The following IKBKE variants were observed in gnomAD, a reference collection of about 807,000 sequenced individuals.
The protein encoded by IKBKE is inhibitor of nuclear factor kappa B kinase subunit epsilon, also known as inhibitor of nuclear factor kappa-B kinase subunit epsilon.
IKBKE carries 45 observed loss-of-function variants against 92.1 expected under a neutral mutation model. That is an observed-to-expected ratio of 0.49 (90% CI 0.38 to 0.63). The LOEUF is 0.63. Among genes scored for constraint, IKBKE ranks in the 20% least tolerant of loss-of-function variants. The pLI is 0.00. For synonymous variants in IKBKE, 374 were observed against 380.3 expected (o/e 0.98, Z 0.19); for missense variants, 700 against 932.8 (o/e 0.75, Z 3.25).
In IKBKE at chr1:206,476,759, G is replaced by A. The variant is rs1553385462; in HGVS notation, c.622G>A (p.Gly208Arg). The A allele has an allele frequency of 6.2e-7, 1 of 1,614,252 alleles. No individual in the cohort carries two copies. The highest frequency in any genetic ancestry group is 8.5e-7 in the Non-Finnish European group (1 of 1,180,036). The change falls in exon 7 of 22, where the codon GGA becomes AGA. Residue 208 changes from glycine to arginine, a missense_variant. Physicochemically the swap from Gly to Arg is moderately radical, Grantham distance 125. Coordinates refer to ENST00000581977, the MANE Select transcript of IKBKE (RefSeq NM_014002.4). This position sits in a 1 kb window ranked among gnomAD's most constrained non-coding sequence, Gnocchi z 5.1. ...FGVTVDLWSI[G>R]VTLYHAATGS... ...GGTGACTGTGGATCTCTGGAGCATT[G>A]GAGTGACCTTGTACCATGCAGCCAC...
intron 18 of IKBKE, chr1:206,492,703 C>A (rs782121021): frequency 1.9e-6 from 1 of 534,640 alleles, no homozygotes. Context: ...TGTGGGCTAT[C>A]CTCTGCCTCT....
intron 20 of IKBKE, 80 bp downstream of exon 20, chr1:206,493,458 G>T: frequency 9.0e-7 from 1 of 1,109,778 alleles, no homozygotes. Flanking sequence ...GTTAGAGCCT[G>T]AGGGGTTTGG....
chr1:206,496,122 G>A lies in IKBKE; in HGVS notation c.2128G>A (p.Val710Ile). 6.2e-7 allele frequency: 1 copy of A among 1,613,642 alleles called. No homozygotes were observed. The highest frequency in any genetic ancestry group is 8.5e-7 in the Non-Finnish European group (1 of 1,179,578). The change falls in exon 22 of 22, where the codon GTC becomes ATC. Residue 710 changes from valine (V) to isoleucine (I), a missense_variant. Transcript: ENST00000581977. ...TACCTTTTCTTGTAGGCTAAATAGA[G>A]TCCCAGCACCTCCTGATGTCTGAGC... Reference protein sequence around the residue: ...NNRIIERLNRVPAPPDV With the variant: ...NNRIIERLNRIPAPPDV
chr1:206,476,767 C>G lies in IKBKE; in HGVS notation c.630C>G (p.Thr210=), dbSNP rs782095657. The G allele has an allele frequency of 1.2e-6, 2 of 1,614,100 alleles. No homozygotes were observed. Among genetic ancestry groups the G allele is most frequent in the African/African-American group, 2.7e-5 (2 of 74,936 alleles). ...VTVDLWSIGV[T]LYHAATGSLP... ...TGGATCTCTGGAGCATTGGAGTGAC[C>G]TTGTACCATGCAGCCACTGGCAGCC... Residue 210 remains threonine, a synonymous_variant, in exon 7 of 22, where the codon ACC becomes ACG. Coordinates refer to ENST00000581977, the MANE Select transcript of IKBKE (RefSeq NM_014002.4). This position sits in a 1 kb window ranked among gnomAD's most constrained non-coding sequence, Gnocchi z 5.1.
Position 206,491,690 on chromosome 1 carries a change from C to G in IKBKE, c.1776C>G (p.Phe592Leu). 1 of 1,613,560 alleles carries G rather than the reference C, an allele frequency of 6.2e-7. No individual in the cohort carries two copies. Among genetic ancestry groups the G allele is most frequent in the Non-Finnish European group, 8.5e-7 (1 of 1,179,672 alleles). The change falls in exon 18 of 22, where the codon TTC (phenylalanine) becomes TTG (leucine). Residue 592 changes from phenylalanine to leucine, a missense_variant. By Grantham distance (22) the Phe-to-Leu change is conservative. Coordinates refer to ENST00000581977, the MANE Select transcript of IKBKE (RefSeq NM_014002.4). The stretch of plus-strand genomic sequence containing the variant: ...TAGCCAAAAGACTCCTGCAGGTGTT[C>G]CAGGAGGAGTGCGTGCAGAAGTATC... ...SHLAKRLLQV[F>L]QEECVQKYQA...
In IKBKE at chr1:206,478,049, C is replaced by CCA; in HGVS notation, c.813-111_813-110insCA. On this transcript the variant is annotated intron_variant, in intron 8 of 21. Transcript: ENST00000581977. This position sits in a 1 kb window ranked among gnomAD's most constrained non-coding sequence, Gnocchi z 4.8. The stretch of plus-strand genomic sequence containing the variant: ...TCCTCCCCAACCCACCCTGCCCCAC[C>CCA]ATCTTGGTCCTAGCTCTTCAGGATA... 1 of 909,156 alleles carries CCA rather than the reference C, an allele frequency of 1.1e-6. No homozygotes were observed. The highest frequency in any genetic ancestry group is 1.7e-6 in the Non-Finnish European group (1 of 591,854). The allele number at this position is 909,156 out of a possible 1,614,324, so 56.3% of individuals were successfully genotyped here. A position where few individuals can be genotyped will look rare whatever the true frequency, so the allele number is the denominator to read the frequency against.
Position 206,476,494 on chromosome 1 carries a change from C to A in IKBKE, c.540+132C>A. The A allele has an allele frequency of 8.8e-7, 1 of 1,136,316 alleles. No individual in the cohort carries two copies. The highest frequency in any genetic ancestry group is 1.3e-6 in the Non-Finnish European group (1 of 786,186). 70.4% of individuals were successfully genotyped at this position (1,136,316 alleles called of 1,614,324 possible). A position where few individuals can be genotyped will look rare whatever the true frequency, so the allele number is the denominator to read the frequency against. On this transcript the variant is annotated intron_variant, in intron 6 of 21. Transcript: ENST00000581977. This position sits in a 1 kb window ranked among gnomAD's most constrained non-coding sequence, Gnocchi z 5.1. ...GGAGTTATGTCTCTCCCCTGTACCC[C>A]AACCAGAAGAATGCATTCTGTTCTC...
chr1:206,477,767 G>T lies in IKBKE; in HGVS notation c.720G>T (p.Glu240Asp). 1 of 1,565,542 alleles carries T rather than the reference G, an allele frequency of 6.4e-7. No individual in the cohort carries two copies. Residue 240 changes from glutamate to aspartate, a missense_variant, in exon 8 of 22, where the codon GAG becomes GAT. Transcript: ENST00000581977. ...NKEIMYRITT[E>D]KPAGAIAGAQ... ...CCCGCAGGTACCGGATCACCACGGA[G>T]AAGCCGGCTGGGGCCATTGCAGGTG... is the stretch of plus-strand genomic sequence containing the variant.
At position 206,493,904 on chromosome 1, in the gene IKBKE, C is replaced by CCT. The variant is rs782275612; in HGVS notation, c.2046-13_2046-12dup. On this transcript the variant is annotated splice_polypyrimidine_tract_variant and intron_variant, in intron 20 of 21. Transcript: ENST00000581977. ...CTTCCAGCCTCAGCCGCCTCTCCTG[C>CCT]CTCTGCCTTGGGCAGCATGCAAGAG... The CCT allele has an allele frequency of 9.9e-6, 16 of 1,613,032 alleles. No individual in the cohort carries two copies. In the African/African-American group the frequency reaches 2.1e-4, roughly 22 times the overall value.
At chr1:206,492,780 G>A in intron 18 of IKBKE, 1 of 639,330 alleles carries the variant, frequency 1.6e-6, no homozygotes, top group African/African-American at 1.8e-5. Context: ...CCACATGCAT[G>A]TTGTTGGTGC....
At chr1:206,474,796 G>A (rs1553384767) in intron 4 of IKBKE, 69 bp from the exon 5 acceptor site, 1 of 1,573,916 alleles carries the variant, frequency 6.4e-7, no homozygotes. Flanking sequence ...TCCAGGCTGA[G>A]CCACTTCTTC....
intron 13 of IKBKE, among the ~76,000 whole-genome samples, chr1:206,483,789 T>C (rs1301369631): frequency 6.6e-6 from 1 of 152,174 alleles, no homozygotes; most frequent in African/African-American, 2.4e-5. Context: ...CAACATGAAA[T>C]GATAGTGTAT....
chr1:206,484,093 A>ATTTTG (rs1395063856), intron 13 of IKBKE, among the ~76,000 whole-genome samples: 4 of 97,734 alleles, frequency 4.1e-5, no homozygotes, highest in Non-Finnish European at 9.9e-5. Context: ...CCTGGCTTTT[A>ATTTTG]TTTTGTATTG....
rs1553386569 is a variant in IKBKE, at chr1:206,480,029, T to C, written c.1256T>C (p.Leu419Ser). The C allele has an allele frequency of 6.2e-7, 1 of 1,608,934 alleles. No homozygotes were observed. Among genetic ancestry groups the C allele is most frequent in the Non-Finnish European group, 8.5e-7 (1 of 1,178,090 alleles). Residue 419 changes from leucine (L) to serine (S), a missense_variant, in exon 12 of 22, where the codon TTG (leucine) becomes TCG (serine). By Grantham distance (145) the Leu-to-Ser change is moderately radical. Coordinates refer to ENST00000581977, the MANE Select transcript of IKBKE (RefSeq NM_014002.4). ...TGCATCTCTGTGTTTCAGGGCGTGT[T>C]GGGCGCCGGCTACCAGGCCCTGCGG... Reference protein sequence around the residue: ...QADYNTAKGVLGAGYQALRLA... With the variant: ...QADYNTAKGVSGAGYQALRLA...
chr1:206,496,634 T>A lies in IKBKE; in HGVS notation c.*489T>A, dbSNP rs1203358802. 2 of 234,554 alleles carry A rather than the reference T, an allele frequency of 8.5e-6. No homozygotes were observed. Among genetic ancestry groups the A allele is most frequent in the East Asian group, 1.2e-4 (2 of 16,654 alleles). 14.5% of individuals were successfully genotyped at this position (234,554 alleles called of 1,614,324 possible). A position where few individuals can be genotyped will look rare whatever the true frequency, so the allele number is the denominator to read the frequency against. On this transcript the variant is annotated 3_prime_UTR_variant, in exon 22 of 22. Coordinates refer to ENST00000581977, the MANE Select transcript of IKBKE (RefSeq NM_014002.4). ...GAACACAGCTCTCTCCGCTCCCTTG[T>A]GATTTCTGAGGGTCACCACTGCCAG...
chr1:206,473,148 C>G, intron 2 of IKBKE, 48 bp from the exon 3 acceptor site: 1 of 1,178,226 alleles, frequency 8.5e-7, no homozygotes, highest in Non-Finnish European at 1.2e-6. Flanking sequence ...CAGCGGCCAC[C>G]CTGTGCCAGG....
chr1:206,476,075 A>C lies in IKBKE; in HGVS notation c.359-106A>C. 1 of 1,052,516 alleles carries C rather than the reference A, an allele frequency of 9.5e-7. No homozygotes were observed. Among genetic ancestry groups the C allele is most frequent in the Admixed American group, 2.0e-5 (1 of 49,972 alleles). The allele number at this position is 1,052,516 out of a possible 1,614,324, so 65.2% of individuals were successfully genotyped here. A position where few individuals can be genotyped will look rare whatever the true frequency, so the allele number is the denominator to read the frequency against. On this transcript the variant is annotated intron_variant, in intron 5 of 21. Transcript: ENST00000581977. This position sits in a 1 kb window ranked among gnomAD's most constrained non-coding sequence, Gnocchi z 5.1. ...CCCATGGCTCTGTCAGCCCATGGGA[A>C]CTCCTGTCTCTCTGGATGCAAGGAC...
At position 206,476,626 on chromosome 1, in the gene IKBKE, G is replaced by C; in HGVS notation, c.541-52G>C. 6.2e-7 allele frequency: 1 copy of C among 1,608,468 alleles called. No homozygotes were observed. Among genetic ancestry groups the C allele is most frequent in the Admixed American group, 1.7e-5 (1 of 59,578 alleles). On this transcript the variant is annotated intron_variant, in intron 6 of 21. Coordinates refer to ENST00000581977, the MANE Select transcript of IKBKE (RefSeq NM_014002.4). This position sits in a 1 kb window ranked among gnomAD's most constrained non-coding sequence, Gnocchi z 5.1. ...GTGAAAGGGGGTCTGACAGGTCTCA[G>C]GCCCTTGCCAGCCCTCCGGCTCCAT...
Position 206,478,466 on chromosome 1 carries a change from C to T in IKBKE, c.992+127C>T, listed in dbSNP as rs41296746. The T allele has an allele frequency of 1.1e-3, 1,029 of 959,664 alleles. 2 individuals carry two copies. The highest frequency in any genetic ancestry group is 4.5e-4 in the Middle Eastern group (2 of 4,488). 59.4% of individuals were successfully genotyped at this position (959,664 alleles called of 1,614,324 possible). A position where few individuals can be genotyped will look rare whatever the true frequency, so the allele number is the denominator to read the frequency against. Reference sequence around the variant, plus strand: ...ACATAGGAACGCTTCCAGGTCCAAACGTAGTTGGGAAAAGACTAGTTCTAC... The same window carrying T: ...ACATAGGAACGCTTCCAGGTCCAAATGTAGTTGGGAAAAGACTAGTTCTAC... On this transcript the variant is annotated intron_variant, in intron 9 of 21. Transcript: ENST00000581977. The surrounding 1 kb of genome is among the most constrained non-coding windows in gnomAD (Gnocchi z 4.8).
Sources: gnomAD v4.1 joint callset for allele counts (sites outside exome capture counted in the v4.1 genomes callset) on GRCh38, gnomAD v4.1.1 for gene constraint, Gnocchi (gnomAD v3.1) non-coding constraint, MANE v1.5 for transcripts, NCBI Gene and HGNC (gene_info 2026-07-23, HGNC 2026-07-21) for gene names.